The following NCAPD3 variants were observed in gnomAD, a reference collection of about 807,000 sequenced individuals.
NCAPD3 encodes condensin-2 complex subunit D3.
In NCAPD3, 105 loss-of-function variants were observed where a neutral mutation model predicts 182.9. The observed-to-expected ratio is 0.57, with a 90% CI of 0.49 to 0.68. NCAPD3 has a LOEUF of 0.68. NCAPD3 is among the 30% of genes least tolerant of loss of function. NCAPD3 has a pLI of 0.00. For synonymous variants in NCAPD3, 815 were observed against 679.9 expected, an observed-to-expected ratio of 1.20 and a Z score of -3.09; for missense variants, 1,944 against 1,837.0, an observed-to-expected ratio of 1.06 and a Z score of -1.07.
chr11:134,203,800 T>A lies in NCAPD3; in HGVS notation c.1322A>T (p.His441Leu), dbSNP rs1160543199. ...LSLEHQKFLK[H>L]KFLVQEIMFD... ...CATAATTTCCTGCACCAGGAACTTA[T>A]GCTTTAAGAACTTCTGATGCTCCAA... is the stretch of plus-strand genomic sequence containing the variant. Residue 441 changes from histidine (H) to leucine (L), a missense_variant, in exon 11 of 35, where the codon CAT becomes CTT. By Grantham distance (99) the His-to-Leu change is moderately conservative. This residue lies in a region of NCAPD3 where 1,803 missense variants were observed against 1,674.6 expected (regional missense o/e 1.08). Transcript: ENST00000534548. The A allele has an allele frequency of 6.2e-7, 1 of 1,614,102 alleles. No homozygotes were observed. The highest frequency in any genetic ancestry group is 1.3e-5 in the African/African-American group (1 of 74,930).
chr11:134,210,278 C>T lies in NCAPD3; in HGVS notation c.559G>A (p.Asp187Asn), dbSNP rs1464376384. 1 of 1,612,200 alleles carries T rather than the reference C, an allele frequency of 6.2e-7. No homozygotes were observed. Residue 187 changes from aspartate to asparagine, a missense_variant, in exon 4 of 35, where the codon GAT becomes AAT. Transcript: ENST00000534548. ...RKRGKPPRREDIEMDEIIEEQ... is the reference protein window; with the variant it reads ...RKRGKPPRRENIEMDEIIEEQ... ...CTCAACTTACTTCTTACCTCAATAT[C>T]TTCTCTCCTGGGTGGCTTTCCCCTT...
intron 24 of NCAPD3, among the ~76,000 whole-genome samples, chr11:134,171,854 A>G (rs1944013054): frequency 6.6e-6 from 1 of 152,022 alleles, no homozygotes; most frequent in Admixed American, 6.5e-5. Context: ...AGCCCTCCCA[A>G]GGGGAGGCTG....
intron 16 of NCAPD3, among the ~76,000 whole-genome samples, chr11:134,189,611 C>T (rs1002961411): frequency 3.3e-5 from 5 of 151,990 alleles, no homozygotes; most frequent in Admixed American, 3.3e-4. Context: ...GAACATTATC[C>T]TATTAATACA....
chr11:134,177,287 T>TG lies in NCAPD3; in HGVS notation c.2952dup (p.Met985HisfsTer74), dbSNP rs1944192254. On this transcript the variant is annotated frameshift_variant, in exon 23 of 35. Transcript: ENST00000534548. LOFTEE classifies it high-confidence loss of function. ...AATGGGTCGGAATCCTTCAGACACA[T>TG]GGAGATGTTGGGAATATACTTGTCC... The TG allele has an allele frequency of 6.2e-7, 1 of 1,613,886 alleles. No individual in the cohort carries two copies. The highest frequency in any genetic ancestry group is 1.3e-5 in the African/African-American group (1 of 74,910).
chr11:134,166,977 ACACT>A (rs1272610048), intron 27 of NCAPD3, among the ~76,000 whole-genome samples: 2 of 121,216 alleles, frequency 1.6e-5, no homozygotes, highest in Non-Finnish European at 3.3e-5. Flanking sequence ...GGGGAGCTGC[ACACT>A]CACTAGTGAG....
At chr11:134,186,598 TTATA>T (rs1421393359) in intron 16 of NCAPD3, among the ~76,000 whole-genome samples, 1 of 152,226 alleles carries the variant, frequency 6.6e-6, no homozygotes, top group African/African-American at 2.4e-5. Flanking sequence ...CAATGCCATA[TTATA>T]TATTTAAATG....
At position 134,183,275 on chromosome 11, in the gene NCAPD3, C is replaced by A. The variant is rs548656623; in HGVS notation, c.2451+1362G>T. On this transcript the variant is annotated intron_variant, in intron 19 of 34. Transcript: ENST00000534548. ...GGTTTCATAGTCTGTAACGTTAATT[C>A]CTCCTGATCACTCTTTCCTCAGTCT... 2.1e-4 allele frequency: 84 copies of A among 408,784 alleles called. No homozygotes were observed. The East Asian group carries it at 3.0e-3, about 15-fold the overall frequency. 25.3% of individuals were successfully genotyped at this position (408,784 alleles called of 1,614,324 possible).
Position 134,223,595 on chromosome 11 carries a change from G to A in NCAPD3, c.64+268C>T, listed in dbSNP as rs571104721. 24 of 670,178 alleles carry A rather than the reference G, an allele frequency of 3.6e-5. No homozygotes were observed. In the East Asian group the frequency reaches 5.2e-4, roughly 14 times the overall value. The allele number at this position is 670,178 out of a possible 1,614,324, so 41.5% of individuals were successfully genotyped here. ...GCACGAAGACACGCACAGGAAGAAG[G>A]GGAAGGCCGAGAAAACAGATGCACA... is the stretch of plus-strand genomic sequence containing the variant. On this transcript the variant is annotated intron_variant, in intron 1 of 34. Coordinates refer to ENST00000534548, the MANE Select transcript of NCAPD3 (RefSeq NM_015261.3).
chr11:134,179,347 C>T (rs972274478), intron 20 of NCAPD3, among the ~76,000 whole-genome samples: 6 of 152,046 alleles, frequency 3.9e-5, no homozygotes, highest in Non-Finnish European at 2.9e-5. Context: ...GTTTACTTTT[C>T]TTATACACTT....
At chr11:134,153,463 G>A (rs1468033132) in intron 32 of NCAPD3, 100 bp from the exon 33 acceptor site, 8 of 1,260,056 alleles carry the variant, frequency 6.3e-6, no homozygotes, top group Non-Finnish European at 9.3e-6. Flanking sequence ...CCACATCAGT[G>A]TCCCAGCGGC....
intron 1 of NCAPD3, 148 bp downstream of exon 1, chr11:134,223,715 G>T: frequency 1.1e-6 from 1 of 906,380 alleles, no homozygotes; most frequent in Non-Finnish European, 1.7e-6. Flanking sequence ...CAATCCTGGC[G>T]TGGCACGGCC....
At chr11:134,206,505 A>T in intron 8 of NCAPD3, 94 bp downstream of exon 8, 3 of 1,519,168 alleles carry the variant, frequency 2.0e-6, no homozygotes, top group South Asian at 1.2e-5. Context: ...TCAGGCCAGA[A>T]ATTTTAAGTC....
intron 32 of NCAPD3, among the ~76,000 whole-genome samples, chr11:134,155,986 A>G (rs981538781): frequency 2.0e-5 from 3 of 152,260 alleles, no homozygotes; most frequent in African/African-American, 7.2e-5. Flanking sequence ...GCTAGAATAC[A>G]GCAGGTGCTC....
chr11:134,159,809 TGA>T (rs1943526672), intron 29 of NCAPD3, 81 bp downstream of exon 29: 4 of 1,420,064 alleles, frequency 2.8e-6, no homozygotes, highest in East Asian at 2.5e-5. Context: ...ACGGAGATCT[TGA>T]GAGGTGCCAG....
intron 23 of NCAPD3, 117 bp from the exon 24 acceptor site, chr11:134,176,503 G>A (rs1330129201): frequency 3.8e-6 from 3 of 785,152 alleles, no homozygotes; most frequent in East Asian, 2.5e-5. Flanking sequence ...TGAGTGCACA[G>A]GCACACACTT....
chr11:134,207,283 A>G (rs1401833664), intron 7 of NCAPD3, among the ~76,000 whole-genome samples: 1 of 152,144 alleles, frequency 6.6e-6, no homozygotes, highest in Non-Finnish European at 1.5e-5. Context: ...TATAAAATAT[A>G]CATTTAATTT....
At chr11:134,192,964 G>T in intron 15 of NCAPD3, 55 bp from the exon 16 acceptor site, 2 of 1,003,236 alleles carry the variant, frequency 2.0e-6, no homozygotes, top group Non-Finnish European at 1.6e-6. Context: ...CAGGGAAGTT[G>T]TGATCAACAT....
At chr11:134,188,067 G>A (rs1944447448) in intron 16 of NCAPD3, among the ~76,000 whole-genome samples, 1 of 152,210 alleles carries the variant, frequency 6.6e-6, no homozygotes, top group African/African-American at 2.4e-5. Context: ...CCTGGGTCAA[G>A]TGGGGACATG....
At chr11:134,157,864 T>A in intron 31 of NCAPD3, 64 bp downstream of exon 31, 1 of 1,493,442 alleles carries the variant, frequency 6.7e-7, no homozygotes, top group Non-Finnish European at 9.1e-7. Context: ...GAATAAGAAG[T>A]AGCTTGTTCT....
Sources: gnomAD v4.1 joint callset for allele counts (sites outside exome capture counted in the v4.1 genomes callset) on GRCh38, gnomAD v4.1.1 for gene constraint, gnomAD v4.1.1 regional missense constraint, MANE v1.5 for transcripts, NCBI Gene and HGNC (gene_info 2026-07-23, HGNC 2026-07-21) for gene names.